The following FAM13C variants were observed in gnomAD, a reference collection of about 807,000 sequenced individuals.
The protein encoded by FAM13C is family with sequence similarity 13 member C.
In FAM13C, 37 loss-of-function variants were observed where a neutral mutation model predicts 73.2. The ratio of observed to expected loss-of-function variants is 0.51; its 90% confidence interval spans 0.39 to 0.67. The LOEUF (loss-of-function observed/expected upper bound fraction) is 0.67. Ranked by LOEUF, FAM13C falls within the 30% of genes least tolerant of loss-of-function variation. FAM13C has a pLI of 0.00. For synonymous variants in FAM13C, 246 were observed against 260.9 expected (o/e 0.94, Z 0.55); for missense variants, 589 against 715.6 (o/e 0.82, Z 2.02).
At chr10:59,277,365 C>A (rs552084180) in intron 6 of FAM13C, among the ~76,000 whole-genome samples, 67 of 152,254 alleles carry the variant, frequency 4.4e-4, no homozygotes, top group Admixed American at 3.1e-3. Context: ...CATATTAATT[C>A]ATTTTTTTAA....
At chr10:59,260,247 T>C (rs1842366493) in intron 10 of FAM13C, among the ~76,000 whole-genome samples, 1 of 152,188 alleles carries the variant, frequency 6.6e-6, no homozygotes, top group Non-Finnish European at 1.5e-5. Context: ...TATCCTCCAC[T>C]TAGCAATCAG....
At chr10:59,337,465 G>A (rs1852866520) in intron 3 of FAM13C, among the ~76,000 whole-genome samples, 1 of 152,154 alleles carries the variant, frequency 6.6e-6, no homozygotes, top group Non-Finnish European at 1.5e-5. Flanking sequence ...AACTGTGTGT[G>A]GTGTTGGCTA....
intron 6 of FAM13C, among the ~76,000 whole-genome samples, chr10:59,277,502 A>G (rs948472305): frequency 6.6e-6 from 1 of 152,150 alleles, no homozygotes; most frequent in African/African-American, 2.4e-5. Flanking sequence ...TTTACAAATA[A>G]AATTGTAGTA....
intron 5 of FAM13C, among the ~76,000 whole-genome samples, chr10:59,298,119 T>G (rs1477626061): frequency 2.0e-5 from 3 of 152,230 alleles, no homozygotes; most frequent in African/African-American, 7.2e-5. Flanking sequence ...ATGAGAAGAT[T>G]GTTTTATTTT....
At chr10:59,334,192 T>C (rs1852408956) in intron 3 of FAM13C, among the ~76,000 whole-genome samples, 1 of 152,162 alleles carries the variant, frequency 6.6e-6, no homozygotes, top group Non-Finnish European at 1.5e-5. Flanking sequence ...AAGAAACTTT[T>C]AAAAACTGGG....
intron 2 of FAM13C, among the ~76,000 whole-genome samples, 171 bp downstream of exon 2, chr10:59,355,715 CA>C (rs1478016931): frequency 6.6e-6 from 1 of 151,928 alleles, no homozygotes; most frequent in African/African-American, 2.4e-5. Flanking sequence ...GGGTGGTATC[CA>C]AAAGCGGAAA....
At position 59,348,408 on chromosome 10, in the gene FAM13C, T is replaced by TA. The variant is rs556875996; in HGVS notation, c.324+3861dup. Among the ~76,000 whole-genome samples, 6 of 152,346 alleles carry TA rather than the reference T, an allele frequency of 3.9e-5. No homozygotes were observed. In the South Asian group the frequency reaches 1.2e-3, roughly 32 times the overall value. On this transcript the variant is annotated intron_variant, in intron 3 of 13. Transcript: ENST00000618804. The stretch of plus-strand genomic sequence containing the variant: ...ACATTTACCCTGCGATCAAAACTCT[T>TA]ATGAAATAGTTCTATCAAATTCTCC...
intron 1 of FAM13C, among the ~76,000 whole-genome samples, chr10:59,358,413 A>G (rs1320386464): frequency 1.3e-5 from 2 of 152,088 alleles, no homozygotes; most frequent in Admixed American, 6.6e-5. Flanking sequence ...GAATAAACCA[A>G]CCTTCTTTAC....
In FAM13C at chr10:59,265,325, G is replaced by GTT. The variant is rs1554811371; in HGVS notation, c.943-1160_943-1159insAA. On this transcript the variant is annotated intron_variant, in intron 8 of 13. Transcript: ENST00000618804. ...AGGGATAGGGAAGGGGTTTTGGCGG[G>GTT]GGGGGGGGGGAATCCTGGTTTCAGG... 3.3e-4 allele frequency among the ~76,000 whole-genome samples: 9 copies of GTT among 27,564 alleles called. 4 individuals carry two copies. Among genetic ancestry groups the GTT allele is most frequent in the South Asian group, 6.8e-3 (2 of 292 alleles). The allele number at this position is 27,564 out of a possible 152,430, so 18.1% of individuals were successfully genotyped here.
intron 6 of FAM13C, among the ~76,000 whole-genome samples, chr10:59,279,962 T>C (rs1213749248): frequency 6.6e-6 from 1 of 152,168 alleles, no homozygotes; most frequent in African/African-American, 2.4e-5. Flanking sequence ...GGCTGACTTC[T>C]TACAGCCTCA....
At chr10:59,271,834 G>A (rs1843749060) in intron 6 of FAM13C, among the ~76,000 whole-genome samples, 1 of 152,162 alleles carries the variant, frequency 6.6e-6, no homozygotes, top group Non-Finnish European at 1.5e-5. Context: ...AAATAATGGG[G>A]AAGAAAATAA....
chr10:59,261,277 G>A (rs1299421581), intron 10 of FAM13C, among the ~76,000 whole-genome samples: 1 of 152,050 alleles, frequency 6.6e-6, no homozygotes, highest in Non-Finnish European at 1.5e-5. Context: ...ATTTGTTGTT[G>A]TTTTAAGGCT....
intron 10 of FAM13C, among the ~76,000 whole-genome samples, chr10:59,259,356 G>A (rs1048717219): frequency 6.6e-6 from 1 of 152,120 alleles, no homozygotes; most frequent in Admixed American, 6.6e-5. Context: ...CAGCAGTAAG[G>A]CAAGGACCCC....
intron 3 of FAM13C, among the ~76,000 whole-genome samples, chr10:59,332,203 G>A (rs548040004): frequency 6.6e-6 from 1 of 152,192 alleles, no homozygotes; most frequent in East Asian, 1.9e-4. Context: ...AACCCACAGA[G>A]AGAGGTGGAG....
chr10:59,249,319 G>GCATGAAC (rs1554803884), intron 13 of FAM13C, among the ~76,000 whole-genome samples: 5 of 150,422 alleles, frequency 3.3e-5, no homozygotes, highest in Non-Finnish European at 7.4e-5. Flanking sequence ...CAGGAGAATG[G>GCATGAAC]CGTGAACCCA....
At chr10:59,323,010 T>C (rs1437552683) in intron 4 of FAM13C, among the ~76,000 whole-genome samples, 1 of 152,228 alleles carries the variant, frequency 6.6e-6, no homozygotes, top group Non-Finnish European at 1.5e-5. Context: ...CTCCAACCTT[T>C]TGAGGTTCTA....
chr10:59,256,594 T>C (rs936236992), intron 10 of FAM13C, among the ~76,000 whole-genome samples: 4 of 152,164 alleles, frequency 2.6e-5, no homozygotes, highest in Non-Finnish European at 4.4e-5. Context: ...CCCTCATGCA[T>C]AGTAAGTACA....
At chr10:59,359,362 A>ATGG (rs1258176985) in intron 1 of FAM13C, among the ~76,000 whole-genome samples, 1 of 152,246 alleles carries the variant, frequency 6.6e-6, no homozygotes, top group African/African-American at 2.4e-5. Flanking sequence ...TCTTAGAATA[A>ATGG]TGGTGGTGAA....
Position 59,246,748 on chromosome 10 carries a change from G to A in FAM13C, c.*866C>T. On this transcript the variant is annotated 3_prime_UTR_variant, in exon 14 of 14. Transcript: ENST00000618804. The stretch of plus-strand genomic sequence containing the variant: ...TTTGACTTTACAAAGTATAGATGTT[G>A]GAACATTAAGAAAAATGTATATTCC... 2.5e-6 allele frequency: 1 copy of A among 396,150 alleles called. No homozygotes were observed. Among genetic ancestry groups the A allele is most frequent in the Non-Finnish European group, 4.5e-6 (1 of 224,580 alleles). The allele number at this position is 396,150 out of a possible 1,614,324, so 24.5% of individuals were successfully genotyped here.
Sources: allele counts gnomAD v4.1 joint callset (sites outside exome capture counted in the v4.1 genomes callset), GRCh38; gene constraint gnomAD v4.1.1; transcripts MANE v1.5; gene names NCBI Gene and HGNC (gene_info 2026-07-23, HGNC 2026-07-21).